Variants in CNOT6 observed in about 807,000 individuals in gnomAD.
CNOT6 encodes CCR4-NOT transcription complex subunit 6.
CNOT6 carries 12 observed loss-of-function variants against 61.2 expected under a neutral mutation model. The ratio of observed to expected loss-of-function variants is 0.20; its 90% CI spans 0.13 to 0.32. CNOT6 has a LOEUF of 0.32. CNOT6 is among the 10% of genes least tolerant of loss of function. The pLI is 1.00. For missense variants in CNOT6, 405 were observed against 663.9 expected, an observed-to-expected ratio of 0.61 and a Z score of 4.28; for synonymous variants, 225 against 240.6, an observed-to-expected ratio of 0.94 and a Z score of 0.60.
Position 180,571,312 on chromosome 5 carries a change from A to G in CNOT6, c.1341A>G (p.Thr447=). ...AGTTGAGGTATAATGAAAGTCTCAC[A>G]AACTTCAGCTGTCATGGGAAGAATG... ...FKELRYNESL[T]NFSCHGKNGT... is the part of the protein sequence containing the mutation. Residue 447 remains threonine (T), a synonymous_variant, in exon 11 of 12, where the codon ACA becomes ACG. Coordinates refer to ENST00000261951, the MANE Select transcript of CNOT6 (RefSeq NM_001370472.1). The G allele has an allele frequency of 1.9e-6, 3 of 1,614,102 alleles. No homozygotes were observed. In the African/African-American group the frequency reaches 4.0e-5, roughly 22 times the overall value.
At position 180,537,994 on chromosome 5, in the gene CNOT6, T is replaced by C. The variant is rs570118933; in HGVS notation, c.112+8606T>C. On this transcript the variant is annotated intron_variant, in intron 2 of 11. Transcript: ENST00000261951. ...CTTTGAGAGGCCAGTGTGGGTAGATTATACAGTAGACCAGCCTGGGCAACA... is the reference window on the plus strand; with the variant it reads ...CTTTGAGAGGCCAGTGTGGGTAGATCATACAGTAGACCAGCCTGGGCAACA... 2.0e-5 allele frequency among the ~76,000 whole-genome samples: 3 copies of C among 152,018 alleles called. No homozygotes were observed. In the South Asian group the frequency reaches 6.2e-4, roughly 32 times the overall value.
intron 1 of CNOT6, among the ~76,000 whole-genome samples, chr5:180,507,366 C>T (rs897081436): frequency 2.0e-5 from 3 of 152,154 alleles, no homozygotes; most frequent in African/African-American, 7.2e-5. Context: ...TTGGGAGGCC[C>T]AGGCGGGCAG....
At chr5:180,494,830 C>A (rs1282736042) in intron 1 of CNOT6, 67 bp downstream of exon 1, 1 of 151,998 alleles carries the variant, frequency 6.6e-6, no homozygotes, top group African/African-American at 2.4e-5. Context: ...ACGGACCGCC[C>A]CCCGTCGGCC....
At chr5:180,561,133 T>C (rs1760160414) in intron 4 of CNOT6, among the ~76,000 whole-genome samples, 1 of 152,126 alleles carries the variant, frequency 6.6e-6, no homozygotes, top group Non-Finnish European at 1.5e-5. Flanking sequence ...TTTGTTTGTT[T>C]GTAGAGACGA....
At chr5:180,555,591 G>C (rs1759842747) in intron 4 of CNOT6, among the ~76,000 whole-genome samples, 1 of 152,022 alleles carries the variant, frequency 6.6e-6, no homozygotes, top group Non-Finnish European at 1.5e-5. Context: ...TATTTTTTCT[G>C]AGCTTTTGCA....
chr5:180,504,955 ATTTTTT>A (rs769852255), intron 1 of CNOT6, among the ~76,000 whole-genome samples: 5 of 101,504 alleles, frequency 4.9e-5, no homozygotes, highest in Non-Finnish European at 7.4e-5. Context: ...GTACTAGTTA[ATTTTTT>A]TTTTTTTTTT....
At chr5:180,503,601 CTTTTTT>C (rs56187510) in intron 1 of CNOT6, among the ~76,000 whole-genome samples, 2 of 66,130 alleles carry the variant, frequency 3.0e-5, no homozygotes, top group Admixed American at 2.2e-4. Flanking sequence ...GCCCTACTTC[CTTTTTT>C]TTTTTTTTTT....
chr5:180,539,548 G>GTTGTTTTTTTTT (rs1561648866), intron 2 of CNOT6, among the ~76,000 whole-genome samples: 3 of 45,826 alleles, frequency 6.5e-5, no homozygotes, highest in African/African-American at 2.3e-4. Flanking sequence ...TACTTTTTCT[G>GTTGTTTTTTTTT]TTCTTTTTTT....
intron 2 of CNOT6, among the ~76,000 whole-genome samples, chr5:180,537,813 T>TA (rs1447643955): frequency 6.6e-6 from 1 of 151,820 alleles, no homozygotes; most frequent in Admixed American, 6.6e-5. Flanking sequence ...TCTTTTTTTT[T>TA]TTTTTGGTGT....
intron 10 of CNOT6, 100 bp downstream of exon 10, chr5:180,569,440 T>G (rs1391067544): frequency 2.0e-6 from 2 of 1,007,740 alleles, no homozygotes; most frequent in African/African-American, 3.2e-5. Context: ...AAATAAAAAT[T>G]CAGTTTGTAA....
At chr5:180,497,957 C>T (rs113333612) in intron 1 of CNOT6, among the ~76,000 whole-genome samples, 2 of 151,284 alleles carry the variant, frequency 1.3e-5, no homozygotes, top group Non-Finnish European at 2.9e-5. Flanking sequence ...GCAGGAGAAT[C>T]GCTTGAACCT....
chr5:180,513,151 C>T (rs1338572966), intron 1 of CNOT6, among the ~76,000 whole-genome samples: 3 of 151,946 alleles, frequency 2.0e-5, no homozygotes, highest in Non-Finnish European at 1.5e-5. Flanking sequence ...CCCGCCTTGG[C>T]CTCCCAAAAT....
chr5:180,549,287 C>G (rs1214875090), intron 2 of CNOT6, among the ~76,000 whole-genome samples: 1 of 152,120 alleles, frequency 6.6e-6, no homozygotes, highest in East Asian at 1.9e-4. Context: ...CCAGTCATGA[C>G]GTTCAGATAT....
At chr5:180,501,690 T>G (rs574998502) in intron 1 of CNOT6, among the ~76,000 whole-genome samples, 2 of 152,352 alleles carry the variant, frequency 1.3e-5, no homozygotes, top group South Asian at 2.1e-4. Flanking sequence ...GTGAAACTTA[T>G]GGACCACAAG....
At chr5:180,541,928 C>A (rs908950814) in intron 2 of CNOT6, among the ~76,000 whole-genome samples, 1 of 151,538 alleles carries the variant, frequency 6.6e-6, no homozygotes, top group African/African-American at 2.4e-5. Flanking sequence ...TATTGTGATA[C>A]ACTGCAGCCT....
At chr5:180,502,164 T>C (rs1357676996) in intron 1 of CNOT6, among the ~76,000 whole-genome samples, 1 of 152,222 alleles carries the variant, frequency 6.6e-6, no homozygotes, top group East Asian at 1.9e-4. Flanking sequence ...AATAAATTTA[T>C]AATGTATATT....
rs572631095 is a variant in CNOT6 at position 180,567,797 on chromosome 5, C to T, written c.873-52C>T. On this transcript the variant is annotated intron_variant, in intron 8 of 11. Coordinates refer to ENST00000261951, the MANE Select transcript of CNOT6 (RefSeq NM_001370472.1). Reference sequence around the variant, plus strand: ...AAACTGCGTTTCCCACAAAGCTAACCTCTTGGTATTCCCAACTCTGTGTGT... The same window carrying T: ...AAACTGCGTTTCCCACAAAGCTAACTTCTTGGTATTCCCAACTCTGTGTGT... 7 of 1,612,342 alleles carry T rather than the reference C, an allele frequency of 4.3e-6. No homozygotes were observed. The African/African-American group carries it at 6.7e-5, about 15-fold the overall frequency.
At chr5:180,572,654 A>G (rs917278186) in intron 11 of CNOT6, among the ~76,000 whole-genome samples, 2 of 151,886 alleles carry the variant, frequency 1.3e-5, no homozygotes, top group African/African-American at 4.8e-5. Context: ...GGCTCAGGCA[A>G]CCCTCCTGCC....
At chr5:180,557,636 T>A (rs1307931018) in intron 4 of CNOT6, among the ~76,000 whole-genome samples, 3 of 152,220 alleles carry the variant, frequency 2.0e-5, no homozygotes, top group Non-Finnish European at 4.4e-5. Flanking sequence ...ATATGTGGTT[T>A]ACACATATTT....
Sources: gnomAD v4.1 joint callset for allele counts (sites outside exome capture counted in the v4.1 genomes callset) on GRCh38, gnomAD v4.1.1 for gene constraint, MANE v1.5 for transcripts, NCBI Gene and HGNC (gene_info 2026-07-23, HGNC 2026-07-21) for gene names.